CORIN: variants seen among roughly 807,000 people sequenced by gnomAD.
CORIN encodes the protein atrial natriuretic peptide-converting enzyme.
CORIN carries 117 observed loss-of-function variants against 125.3 expected under a neutral mutation model. The ratio of observed to expected loss-of-function variants is 0.93; its 90% CI spans 0.80 to 1.09. The LOEUF (loss-of-function observed/expected upper bound fraction) is 1.09. Ranked by LOEUF, CORIN falls within the 50% of genes least tolerant of loss-of-function variation. CORIN has a pLI of 0.00. For synonymous variants in CORIN, 450 were observed against 466.4 expected (o/e 0.96, Z 0.45); for missense variants, 1,253 against 1,306.7 (o/e 0.96, Z 0.63).
At chr4:47,772,034 C>G (rs1467526885) in intron 3 of CORIN, among the ~76,000 whole-genome samples, 1 of 152,020 alleles carries the variant, frequency 6.6e-6, no homozygotes, top group Non-Finnish European at 1.5e-5. Flanking sequence ...CACCCCGATT[C>G]TCTTGGTGAT....
At chr4:47,659,627 C>A (rs1024936505) in intron 12 of CORIN, among the ~76,000 whole-genome samples, 1 of 152,126 alleles carries the variant, frequency 6.6e-6, no homozygotes, top group Admixed American at 6.5e-5. Context: ...GAACGCAGAG[C>A]AAGAGCTCAC....
At chr4:47,820,905 A>G (rs17601748) in intron 1 of CORIN, among the ~76,000 whole-genome samples, 22,893 of 152,180 alleles carry the variant, frequency 0.15, 2,149 homozygotes, top group East Asian at 0.29. Context: ...AAAAAATGCT[A>G]TAGAAAGTAC....
intron 2 of CORIN, among the ~76,000 whole-genome samples, chr4:47,806,195 T>A (rs934253733): frequency 1.5e-4 from 23 of 152,146 alleles, no homozygotes; most frequent in Admixed American, 6.5e-5. Flanking sequence ...TGTGCAATCC[T>A]TAAGTCTCCT....
intron 10 of CORIN, among the ~76,000 whole-genome samples, chr4:47,668,754 T>G (rs1437299220): frequency 1.3e-5 from 2 of 152,196 alleles, no homozygotes; most frequent in Non-Finnish European, 2.9e-5. Context: ...TCACTTTTGA[T>G]TTGGGTTAAG....
At chr4:47,670,697 T>C (rs969739189) in intron 10 of CORIN, among the ~76,000 whole-genome samples, 6 of 152,176 alleles carry the variant, frequency 3.9e-5, no homozygotes, top group African/African-American at 1.4e-4. Flanking sequence ...AGGAGAGACA[T>C]GCCCAGGAGT....
At chr4:47,638,368 G>A (rs570029472) in intron 16 of CORIN, among the ~76,000 whole-genome samples, 31 of 152,294 alleles carry the variant, frequency 2.0e-4, no homozygotes, top group African/African-American at 7.0e-4. Flanking sequence ...GTGAGGACAT[G>A]AGATTTGGGA....
At chr4:47,644,862 A>G (rs1159362883) in intron 14 of CORIN, among the ~76,000 whole-genome samples, 2 of 152,148 alleles carry the variant, frequency 1.3e-5, no homozygotes, top group Non-Finnish European at 2.9e-5. Flanking sequence ...ATTTTCTCAT[A>G]TTATAAATAA....
At chr4:47,693,760 T>TC (rs1725870077) in intron 5 of CORIN, among the ~76,000 whole-genome samples, 1 of 152,192 alleles carries the variant, frequency 6.6e-6, no homozygotes, top group African/African-American at 2.4e-5. Flanking sequence ...GTGTTCTTTT[T>TC]CTCTTCAAAA....
chr4:47,791,403 C>T (rs1333400798), intron 2 of CORIN, among the ~76,000 whole-genome samples: 3 of 152,154 alleles, frequency 2.0e-5, no homozygotes, highest in African/African-American at 7.2e-5. Context: ...TTTTGAACTT[C>T]TTAACTCTAA....
chr4:47,747,976 A>G lies in CORIN; in HGVS notation c.618-3393T>C, dbSNP rs150964283. ...CATTTTCCTCAAGATTTGTTCTGGG[A>G]ATATATAGAGACATTAAAATACCAT... On this transcript the variant is annotated intron_variant, in intron 4 of 21. Transcript: ENST00000273857. Among the ~76,000 whole-genome samples, 121 of 152,304 alleles carry G rather than the reference A, an allele frequency of 7.9e-4. 1 individual carries two copies. The East Asian group carries it at 0.019, about 25-fold the overall frequency.
At chr4:47,699,783 T>A (rs1321883560) in intron 5 of CORIN, among the ~76,000 whole-genome samples, 1 of 152,228 alleles carries the variant, frequency 6.6e-6, no homozygotes, top group Non-Finnish European at 1.5e-5. Context: ...AGTGTGATGC[T>A]CACTCAAGCC....
rs1257634625 is a variant in CORIN, at chr4:47,837,568, G to C, written c.63+319C>G. The stretch of plus-strand genomic sequence containing the variant: ...GCGGAGGAGGGACTCTGCAGGAAAG[G>C]TGGCATCACCCCCGGCATGGAGACC... On this transcript the variant is annotated intron_variant, in intron 1 of 21. Transcript: ENST00000273857. 3.7e-5 allele frequency: 18 copies of C among 486,292 alleles called. No individual in the cohort carries two copies. The East Asian group carries it at 6.7e-4, about 18-fold the overall frequency. 30.1% of individuals were successfully genotyped at this position (486,292 alleles called of 1,614,324 possible). A position where few individuals can be genotyped will look rare whatever the true frequency, so the allele number is the denominator to read the frequency against.
intron 4 of CORIN, among the ~76,000 whole-genome samples, chr4:47,757,923 T>C (rs1729258499): frequency 6.8e-6 from 1 of 146,636 alleles, no homozygotes; most frequent in Non-Finnish European, 1.5e-5. Flanking sequence ...TATACACATA[T>C]ATATATTTGA....
chr4:47,690,560 G>T (rs962566441), intron 6 of CORIN, among the ~76,000 whole-genome samples: 1 of 152,176 alleles, frequency 6.6e-6, no homozygotes, highest in Non-Finnish European at 1.5e-5. Flanking sequence ...AAGCAGGCAA[G>T]TGCTTAGCTA....
At chr4:47,796,377 T>A (rs1298994173) in intron 2 of CORIN, among the ~76,000 whole-genome samples, 1 of 151,988 alleles carries the variant, frequency 6.6e-6, no homozygotes, top group African/African-American at 2.4e-5. Context: ...ATGAGAAATC[T>A]AAAATAGATT....
intron 4 of CORIN, among the ~76,000 whole-genome samples, chr4:47,756,069 C>A (rs1004207229): frequency 1.3e-5 from 2 of 152,128 alleles, no homozygotes; most frequent in Non-Finnish European, 2.9e-5. Context: ...AATAAACAGA[C>A]AGGCAAAAGG....
intron 13 of CORIN, among the ~76,000 whole-genome samples, chr4:47,645,948 T>G (rs1723454619): frequency 6.6e-6 from 1 of 151,680 alleles, no homozygotes; most frequent in Non-Finnish European, 1.5e-5. Context: ...CTCATGTATT[T>G]TCTATTCTTT....
intron 19 of CORIN, among the ~76,000 whole-genome samples, chr4:47,606,880 A>T (rs1053788989): frequency 3.3e-5 from 5 of 152,204 alleles, no homozygotes; most frequent in Non-Finnish European, 7.3e-5. Flanking sequence ...CCTGAAATCA[A>T]GCAATAATTT....
intron 3 of CORIN, among the ~76,000 whole-genome samples, chr4:47,785,495 A>G (rs1730750750): frequency 6.6e-6 from 1 of 150,668 alleles, no homozygotes. Context: ...AGTTTGGCAC[A>G]TGCCATTTTT....
Sources: allele counts gnomAD v4.1 joint callset (sites outside exome capture counted in the v4.1 genomes callset), GRCh38; gene constraint gnomAD v4.1.1; transcripts MANE v1.5; gene names NCBI Gene and HGNC (gene_info 2026-07-23, HGNC 2026-07-21).